The following FMN1 variants were observed in gnomAD, a reference collection of about 807,000 sequenced individuals.
The protein encoded by FMN1 is formin 1, also known as formin-1.
FMN1 carries 110 observed loss-of-function variants against 132.4 expected under a neutral mutation model. That is an observed-to-expected ratio of 0.83 (90% CI 0.71 to 0.97). The LOEUF is 0.97. Ranked by LOEUF, FMN1 falls within the 50% of genes least tolerant of loss-of-function variation. The pLI is 0.00. For missense variants in FMN1, 1,792 were observed against 1,705.3 expected, an observed-to-expected ratio of 1.05 and a Z score of -0.90; for synonymous variants, 722 against 651.7, an observed-to-expected ratio of 1.11 and a Z score of -1.64.
At chr15:32,951,759 G>A (rs1260130478) in intron 9 of FMN1, among the ~76,000 whole-genome samples, 1 of 152,170 alleles carries the variant, frequency 6.6e-6, no homozygotes. Context: ...CTTTACAGAT[G>A]AGAAAACTGT....
intron 4 of FMN1, among the ~76,000 whole-genome samples, chr15:33,140,005 T>C (rs1345701439): frequency 6.6e-6 from 1 of 152,200 alleles, no homozygotes; most frequent in Non-Finnish European, 1.5e-5. Flanking sequence ...GAGGGAGAGA[T>C]ATTTTATTTT....
intron 16 of FMN1, among the ~76,000 whole-genome samples, chr15:32,880,793 T>C (rs2059751896): frequency 6.6e-6 from 1 of 152,234 alleles, no homozygotes; most frequent in Non-Finnish European, 1.5e-5. Context: ...AGTCATTCTG[T>C]TTCCTGACTG....
At chr15:33,121,501 G>GT (rs756893820) in intron 4 of FMN1, among the ~76,000 whole-genome samples, 2 of 152,116 alleles carry the variant, frequency 1.3e-5, no homozygotes, top group Non-Finnish European at 1.5e-5. Flanking sequence ...CCATTTCCCA[G>GT]TAAAGTACAT....
intron 12 of FMN1, among the ~76,000 whole-genome samples, chr15:32,906,662 A>T (rs1161006149): frequency 6.6e-6 from 1 of 152,216 alleles, no homozygotes; most frequent in Non-Finnish European, 1.5e-5. Flanking sequence ...TTCAGTGTTG[A>T]AACAGCCCAT....
chr15:32,825,322 C>T (rs951071618), intron 17 of FMN1, among the ~76,000 whole-genome samples: 4 of 152,212 alleles, frequency 2.6e-5, no homozygotes, highest in Non-Finnish European at 5.9e-5. Flanking sequence ...GTCTCATGAT[C>T]TTCAGGGCCC....
chr15:33,067,603 A>T (rs758955558), intron 5 of FMN1: 20 of 1,611,534 alleles, frequency 1.2e-5, no homozygotes, highest in Non-Finnish European at 1.7e-5. Flanking sequence ...CAATTTTCTC[A>T]TCATTTCCGA....
chr15:32,826,446 T>A (rs1336867567), intron 17 of FMN1, among the ~76,000 whole-genome samples: 3 of 152,118 alleles, frequency 2.0e-5, no homozygotes, highest in Admixed American at 1.3e-4. Context: ...AAGGGTATGC[T>A]CAGAAACTGA....
rs1237802547 is a variant in FMN1 at position 32,768,041 on chromosome 15, A to G, written c.*6269T>C. Reference sequence around the variant, plus strand: ...TAATTCACAAAAACATCTAAAATGTAAAGATTTCAAATGTCCTTTTAGTCC... The same window carrying G: ...TAATTCACAAAAACATCTAAAATGTGAAGATTTCAAATGTCCTTTTAGTCC... On this transcript the variant is annotated 3_prime_UTR_variant, in exon 21 of 21. Transcript: ENST00000616417. The G allele has an allele frequency of 6.6e-6, 1 of 152,266 alleles. No individual in the cohort carries two copies. The highest frequency in any genetic ancestry group is 1.5e-5 in the Non-Finnish European group (1 of 68,046). 9.4% of individuals were successfully genotyped at this position (152,266 alleles called of 1,614,324 possible). A position where few individuals can be genotyped will look rare whatever the true frequency, so the allele number is the denominator to read the frequency against.
intron 3 of FMN1, among the ~76,000 whole-genome samples, chr15:33,176,190 T>C (rs1417638361): frequency 6.6e-6 from 1 of 152,080 alleles, no homozygotes; most frequent in Non-Finnish European, 1.5e-5. Context: ...CTGGCCAACA[T>C]GGTGAAACCC....
At chr15:33,169,649 T>C (rs955379070) in intron 3 of FMN1, among the ~76,000 whole-genome samples, 4 of 151,534 alleles carry the variant, frequency 2.6e-5, no homozygotes, top group Middle Eastern at 3.2e-3. Flanking sequence ...TAAAAGCAAA[T>C]ATATAATAAG....
rs537099082 is a variant in FMN1 at position 33,044,451 on chromosome 15, GCCCATAAAAT to G, written c.2161+20496_2161+20505del. Reference sequence around the variant, plus strand: ...CAGCATGTATTTCCTCTCCTCCGAAGCCCATAAAATCCCAGACTCAGCCAGACTCAAAAAG... The same window carrying G: ...CAGCATGTATTTCCTCTCCTCCGAAGCCCAGACTCAGCCAGACTCAAAAAG... On this transcript the variant is annotated intron_variant, in intron 6 of 20. Coordinates refer to ENST00000616417, the MANE Select transcript of FMN1 (RefSeq NM_001277313.2). Among the ~76,000 whole-genome samples the G allele has an allele frequency of 4.0e-3, 605 of 152,278 alleles. 3 individuals carry two copies. The highest frequency in any genetic ancestry group is 0.014 in the African/African-American group (578 of 41,552).
At chr15:33,084,870 T>C (rs1163527162) in intron 5 of FMN1, among the ~76,000 whole-genome samples, 1 of 152,198 alleles carries the variant, frequency 6.6e-6, no homozygotes, top group Admixed American at 6.5e-5. Flanking sequence ...ATTTCAAGTA[T>C]GAGATGTTTT....
chr15:33,127,734 T>C (rs905949806), intron 4 of FMN1, among the ~76,000 whole-genome samples: 2 of 152,196 alleles, frequency 1.3e-5, no homozygotes, highest in Admixed American at 6.5e-5. Flanking sequence ...CAGGTTATAT[T>C]GTAATGATAG....
intron 16 of FMN1, among the ~76,000 whole-genome samples, chr15:32,868,939 T>C (rs1370910676): frequency 6.6e-6 from 1 of 152,168 alleles, no homozygotes; most frequent in Non-Finnish European, 1.5e-5. Context: ...TGTGATATAG[T>C]GTGGTGTGAT....
intron 19 of FMN1, among the ~76,000 whole-genome samples, chr15:32,791,975 T>C (rs1419070855): frequency 6.6e-6 from 1 of 151,960 alleles, no homozygotes; most frequent in Admixed American, 6.6e-5. Flanking sequence ...TGAAAATAGT[T>C]GGGACTAACA....
At chr15:32,788,143 G>A (rs1380339785) in intron 19 of FMN1, among the ~76,000 whole-genome samples, 1 of 152,218 alleles carries the variant, frequency 6.6e-6, no homozygotes, top group Non-Finnish European at 1.5e-5. Flanking sequence ...GGACACAGGG[G>A]AGTTGAAGTT....
chr15:33,162,900 T>A (rs986262659), intron 3 of FMN1, among the ~76,000 whole-genome samples: 1 of 152,108 alleles, frequency 6.6e-6, no homozygotes, highest in Non-Finnish European at 1.5e-5. Context: ...GCAGATCACC[T>A]GAGGTCAGGA....
At chr15:32,895,813 A>G (rs781589351) in intron 15 of FMN1, among the ~76,000 whole-genome samples, 1 of 152,040 alleles carries the variant, frequency 6.6e-6, no homozygotes, top group East Asian at 1.9e-4. Flanking sequence ...ATTATTTTGA[A>G]TTTAGTTTTA....
intron 7 of FMN1, among the ~76,000 whole-genome samples, chr15:32,978,758 A>G (rs2032410744): frequency 6.6e-6 from 1 of 152,210 alleles, no homozygotes; most frequent in Non-Finnish European, 1.5e-5. Context: ...ACACTTGTCT[A>G]TAAACGGATA....
Sources: gnomAD v4.1 joint callset for allele counts (sites outside exome capture counted in the v4.1 genomes callset) on GRCh38, gnomAD v4.1.1 for gene constraint, MANE v1.5 for transcripts, NCBI Gene and HGNC (gene_info 2026-07-23, HGNC 2026-07-21) for gene names.